Variants in CFAP44 observed in about 807,000 individuals in gnomAD.
The protein encoded by CFAP44 is cilia and flagella associated protein 44.
CFAP44 carries 134 observed loss-of-function variants against 216.2 expected under a neutral mutation model. That is an observed-to-expected ratio of 0.62 (90% CI 0.54 to 0.72). The LOEUF (loss-of-function observed/expected upper bound fraction) is 0.72, where lower values mean the gene tolerates loss of function less well. Ranked by LOEUF, CFAP44 falls within the 30% of genes least tolerant of loss-of-function variation. The probability of loss-of-function intolerance (pLI) is 0.00; values close to 1 mark genes in which losing one functional copy is unlikely to be tolerated. For missense variants in CFAP44, 2,035 were observed against 2,182.1 expected, an observed-to-expected ratio of 0.93 and a Z score of 1.34; for synonymous variants, 700 against 727.6, an observed-to-expected ratio of 0.96 and a Z score of 0.61.
chr3:113,381,190 C>T (rs1933498539), intron 15 of CFAP44, 130 bp from the exon 16 acceptor site: 3 of 540,058 alleles, frequency 5.6e-6, no homozygotes, highest in Non-Finnish European at 8.6e-6. Flanking sequence ...TTCCTCACTG[C>T]AGTTATTGGT....
chr3:113,366,299 C>T lies in CFAP44; in HGVS notation c.2455G>A (p.Val819Ile), dbSNP rs762510645. 26 of 1,595,066 alleles carry T rather than the reference C, an allele frequency of 1.6e-5. No individual in the cohort carries two copies. In the South Asian group the frequency reaches 2.1e-4, roughly 13 times the overall value. The change falls in exon 19 of 35, where the codon GTT becomes ATT. Residue 819 changes from valine to isoleucine, a missense_variant. Physicochemically the swap from Val to Ile is conservative, Grantham distance 29. Transcript: ENST00000393845. ...IQTITFNINKVMMFCGMKNGA... is the reference protein window; with the variant it reads ...IQTITFNINKIMMFCGMKNGA... ...TTTTTCATTCCACAAAACATCATAA[C>T]TTTGTTAATGCTACGAAACAAAAAA... is the stretch of plus-strand genomic sequence containing the variant.
At chr3:113,350,390 G>C (rs9842039) in intron 22 of CFAP44, among the ~76,000 whole-genome samples, 36,753 of 151,882 alleles carry the variant, frequency 0.24, 4,617 homozygotes, top group East Asian at 0.41. Context: ...GTCAAAGAGA[G>C]AGAGGAAGAG....
intron 28 of CFAP44, among the ~76,000 whole-genome samples, chr3:113,318,884 A>C (rs1203021018): frequency 6.6e-6 from 1 of 152,136 alleles, no homozygotes; most frequent in Admixed American, 6.5e-5. Flanking sequence ...TGCTGAGGGA[A>C]TAAGTTTCAA....
chr3:113,321,018 A>T (rs1950141880), intron 28 of CFAP44, among the ~76,000 whole-genome samples: 1 of 152,202 alleles, frequency 6.6e-6, no homozygotes, highest in Non-Finnish European at 1.5e-5. Flanking sequence ...AAAACATTCT[A>T]TGAAACCAGC....
At chr3:113,376,891 G>A (rs964273655) in intron 17 of CFAP44, among the ~76,000 whole-genome samples, 2 of 152,162 alleles carry the variant, frequency 1.3e-5, no homozygotes, top group African/African-American at 2.4e-5. Flanking sequence ...GATGATACAG[G>A]AGACCAAGTG....
At chr3:113,427,991 A>C (rs1383950519) in intron 2 of CFAP44, among the ~76,000 whole-genome samples, 1 of 152,190 alleles carries the variant, frequency 6.6e-6, no homozygotes, top group Non-Finnish European at 1.5e-5. Context: ...GATGAGGCTA[A>C]AAGATTAGGA....
At chr3:113,293,886 A>C in intron 34 of CFAP44, 1 of 400,236 alleles carries the variant, frequency 2.5e-6, no homozygotes, top group South Asian at 1.8e-5. Context: ...TGGTTAATGC[A>C]GACTGCTGGG....
intron 28 of CFAP44, among the ~76,000 whole-genome samples, chr3:113,321,137 A>C (rs558078182): frequency 6.6e-6 from 1 of 152,288 alleles, no homozygotes; most frequent in East Asian, 1.9e-4. Context: ...ATACTAGCAA[A>C]CCAAATCCAG....
rs372493912 is a variant in CFAP44, at chr3:113,399,995, C to G, written c.1480G>C (p.Val494Leu). Residue 494 changes from valine to leucine, a missense_variant, in exon 13 of 35, where the codon GTT (valine) becomes CTT (leucine). Physicochemically the swap from Val to Leu is conservative, Grantham distance 32. Transcript: ENST00000393845. ...TTGCTAGCAAAATCATAGATTCGAA[C>G]AGAGCCTATAGAAAGACAGTTTTAA... ...LMATTALDCS[V>L]RIYDFASKTP... The G allele has an allele frequency of 3.8e-6, 6 of 1,584,086 alleles. No individual in the cohort carries two copies. In the South Asian group the frequency reaches 7.2e-5, roughly 19 times the overall value.
intron 2 of CFAP44, among the ~76,000 whole-genome samples, chr3:113,428,162 G>A (rs1275028548): frequency 6.6e-6 from 1 of 152,182 alleles, no homozygotes; most frequent in Non-Finnish European, 1.5e-5. Context: ...GGGCCCTGGA[G>A]AACTACTCTC....
Position 113,362,995 on chromosome 3 carries a change from A to C in CFAP44, c.2934+150T>G, listed in dbSNP as rs898369287. The C allele has an allele frequency of 2.2e-6, 3 of 1,379,890 alleles. No individual in the cohort carries two copies. In the African/African-American group the frequency reaches 4.4e-5, roughly 20 times the overall value. The allele number at this position is 1,379,890 out of a possible 1,614,324, so 85.5% of individuals were successfully genotyped here. ...GGATAAACCCCACATACAAATTAAA[A>C]GATGCCCAAAATAAATGGCTATTGA... On this transcript the variant is annotated intron_variant, in intron 21 of 34. Transcript: ENST00000393845.
intron 2 of CFAP44, 91 bp downstream of exon 2, chr3:113,433,474 C>G: frequency 2.7e-6 from 1 of 371,056 alleles, no homozygotes; most frequent in Non-Finnish European, 4.9e-6. Context: ...TTTATAACAT[C>G]CTGCTCTTTC....
intron 28 of CFAP44, among the ~76,000 whole-genome samples, chr3:113,323,173 T>C (rs554837086): frequency 6.6e-6 from 1 of 152,228 alleles, no homozygotes; most frequent in African/African-American, 2.4e-5. Context: ...AGCCAAACCA[T>C]AACACTGTGC....
chr3:113,374,593 T>C (rs1428034939), intron 17 of CFAP44, among the ~76,000 whole-genome samples: 1 of 152,020 alleles, frequency 6.6e-6, no homozygotes. Context: ...CATAGCAGCA[T>C]TATTCACAAT....
chr3:113,342,139 C>T (rs1950338764), intron 23 of CFAP44, among the ~76,000 whole-genome samples: 1 of 152,140 alleles, frequency 6.6e-6, no homozygotes, highest in African/African-American at 2.4e-5. Flanking sequence ...TTGAGACCAG[C>T]CTGGGCAACG....
At chr3:113,336,591 T>C (rs1950283623) in intron 24 of CFAP44, among the ~76,000 whole-genome samples, 1 of 151,826 alleles carries the variant, frequency 6.6e-6, no homozygotes, top group Non-Finnish European at 1.5e-5. Flanking sequence ...AAAGAATACT[T>C]ACAGATGAAT....
At chr3:113,411,301 C>T (rs142208833) in intron 6 of CFAP44, among the ~76,000 whole-genome samples, 1 of 152,112 alleles carries the variant, frequency 6.6e-6, no homozygotes, top group Non-Finnish European at 1.5e-5. Flanking sequence ...AGTCTTTAAT[C>T]CATCTTGAAT....
At chr3:113,294,296 CAG>C (rs1385185676) in intron 34 of CFAP44, 12 of 291,208 alleles carry the variant, frequency 4.1e-5, no homozygotes, top group South Asian at 6.6e-5. Context: ...AATAAGAAAA[CAG>C]GGTAGATTTC....
At chr3:113,318,353 A>G in intron 28 of CFAP44, among the ~76,000 whole-genome samples, 1 of 152,222 alleles carries the variant, frequency 6.6e-6, no homozygotes, top group East Asian at 1.9e-4. Context: ...AGTTCGAGGA[A>G]TGCTTCTTTG....
Sources: allele counts gnomAD v4.1 joint callset (sites outside exome capture counted in the v4.1 genomes callset), GRCh38; gene constraint gnomAD v4.1.1; transcripts MANE v1.5; gene names NCBI Gene and HGNC (gene_info 2026-07-23, HGNC 2026-07-21).